The following ABCA1 variants were observed in gnomAD, a reference collection of about 807,000 sequenced individuals.
ABCA1 encodes the protein ATP binding cassette subfamily A member 1.
ABCA1 carries 133 observed loss-of-function variants against 262.5 expected under a neutral mutation model. The ratio of observed to expected loss-of-function variants is 0.51; its 90% CI spans 0.44 to 0.59. ABCA1 has a LOEUF of 0.59. Among genes scored for constraint, ABCA1 ranks in the 20% least tolerant of loss-of-function variants. The pLI, the probability that ABCA1 is intolerant of heterozygous loss-of-function variation, is 0.00. For missense variants in ABCA1, 2,452 were observed against 2,777.5 expected, an observed-to-expected ratio of 0.88 and a Z score of 2.63; for synonymous variants, 1,022 against 1,043.5, an observed-to-expected ratio of 0.98 and a Z score of 0.40.
At chr9:104,915,569 AG>A (rs1841795935) in intron 1 of ABCA1, among the ~76,000 whole-genome samples, 1 of 152,206 alleles carries the variant, frequency 6.6e-6, no homozygotes, top group Non-Finnish European at 1.5e-5. Flanking sequence ...GAGGTCTGAG[AG>A]GATCCTACAA....
At chr9:104,924,903 C>T (rs1303773001) in intron 1 of ABCA1, among the ~76,000 whole-genome samples, 1 of 152,120 alleles carries the variant, frequency 6.6e-6, no homozygotes, top group African/African-American at 2.4e-5. Context: ...GTAAGTACTA[C>T]AGAAGATAAT....
chr9:104,883,040 T>C lies in ABCA1; in HGVS notation c.420A>G (p.Ser140=), dbSNP rs1838824914. The C allele has an allele frequency of 1.9e-6, 3 of 1,610,526 alleles. No homozygotes were observed. The highest frequency in any genetic ancestry group is 1.7e-5 in the Admixed American group (1 of 60,006). ...GATGCAGAGAAGGTTTTTACTTACT[T>C]GAGCTGGATTTCTTGATCTGCTGTA... ...RTLQQIKKSS[S]NLKLQDFLVD... The change falls in exon 5 of 50, where the codon TCA becomes TCG. Residue 140 remains serine, a splice_region_variant and synonymous_variant. Transcript: ENST00000374736.
chr9:104,786,508 G>A (rs1290346635), intron 47 of ABCA1, 118 bp from the exon 48 acceptor site: 2 of 895,238 alleles, frequency 2.2e-6, no homozygotes, highest in Middle Eastern at 2.1e-4. Flanking sequence ...ACAAGTACAT[G>A]TGGATATAGG....
At chr9:104,904,076 G>A (rs1366298775) in intron 1 of ABCA1, among the ~76,000 whole-genome samples, 1 of 152,182 alleles carries the variant, frequency 6.6e-6, no homozygotes, top group Non-Finnish European at 1.5e-5. Flanking sequence ...CTCTCAGGTG[G>A]CCAAAAACAC....
At position 104,818,746 on chromosome 9, in the gene ABCA1, A is replaced by T. The variant is rs775795007; in HGVS notation, c.3379T>A (p.Tyr1127Asn). 1 of 1,613,964 alleles carries T rather than the reference A, an allele frequency of 6.2e-7. No homozygotes were observed. Among genetic ancestry groups the T allele is most frequent in the Non-Finnish European group, 8.5e-7 (1 of 1,180,030 alleles). Reference sequence around the variant, plus strand: ...ACATCTTTCTTGACCAAGGTCAGGTAGTAGCCTGTTCCCAGCTGGTTCTTC... The same window carrying T: ...ACATCTTTCTTGACCAAGGTCAGGTTGTAGCCTGTTCCCAGCTGGTTCTTC... The part of the protein sequence containing the change: ...FLKNQLGTGY[Y>N]LTLVKKDVES... The change falls in exon 23 of 50, where the codon TAC becomes AAC. Residue 1127 changes from tyrosine to asparagine, a missense_variant. By Grantham distance (143) the Tyr-to-Asn change is moderately radical. Around this residue, in one of 4 missense-constraint regions of ABCA1, gnomAD observed 665 missense variants for 727.3 expected, o/e 0.91. Coordinates refer to ENST00000374736, the MANE Select transcript of ABCA1 (RefSeq NM_005502.4).
At chr9:104,809,826 T>C (rs1831112614) in intron 29 of ABCA1, among the ~76,000 whole-genome samples, 1 of 152,166 alleles carries the variant, frequency 6.6e-6, no homozygotes, top group South Asian at 2.1e-4. Context: ...TGTACACACA[T>C]GTACATACAC....
intron 1 of ABCA1, among the ~76,000 whole-genome samples, chr9:104,918,091 C>A (rs143187686): frequency 6.6e-6 from 1 of 152,042 alleles, no homozygotes; most frequent in Non-Finnish European, 1.5e-5. Context: ...TAAATGAGAT[C>A]ATATATAAGA....
At chr9:104,881,780 C>T (rs978216047) in intron 5 of ABCA1, among the ~76,000 whole-genome samples, 1 of 152,076 alleles carries the variant, frequency 6.6e-6, no homozygotes, top group Non-Finnish European at 1.5e-5. Context: ...CTTTCTGTCT[C>T]CTGCACCAGA....
intron 31 of ABCA1, among the ~76,000 whole-genome samples, chr9:104,805,703 A>G (rs539432053): frequency 6.6e-6 from 1 of 152,366 alleles, no homozygotes; most frequent in South Asian, 2.1e-4. Flanking sequence ...GGCCTGCCAC[A>G]GTCTGTCCTG....
At chr9:104,845,822 T>C (rs1834819936) in intron 7 of ABCA1, among the ~76,000 whole-genome samples, 1 of 152,238 alleles carries the variant, frequency 6.6e-6, no homozygotes, top group Non-Finnish European at 1.5e-5. Flanking sequence ...TAATATGCAA[T>C]AGATTAAAAG....
Position 104,793,174 on chromosome 9 carries a change from G to T in ABCA1, c.5633C>A (p.Pro1878His). 6.2e-7 allele frequency: 1 copy of T among 1,613,930 alleles called. No individual in the cohort carries two copies. The highest frequency in any genetic ancestry group is 8.5e-7 in the Non-Finnish European group (1 of 1,179,974). The part of the protein sequence containing the change: ...VLIQYRFFIR[P>H]RPVNAKLSPL... ...CGGGTTCTAAGAAAAAGCTCACCTG[G>T]GCCTGATGAAGAATCTGTACTGGAT... The change falls in exon 41 of 50, where the codon CCC (proline) becomes CAC (histidine). Residue 1878 changes from proline to histidine, a missense_variant. Pro to His is a moderately conservative substitution (Grantham distance 77). Around this residue, in one of 4 missense-constraint regions of ABCA1, gnomAD observed 752 missense variants for 944.5 expected, o/e 0.80. Transcript: ENST00000374736.
chr9:104,866,922 G>A (rs529835733), intron 5 of ABCA1, among the ~76,000 whole-genome samples: 5 of 152,308 alleles, frequency 3.3e-5, no homozygotes, highest in African/African-American at 1.2e-4. Flanking sequence ...TAATTCCAAA[G>A]CCAGCAGTGC....
Position 104,861,788 on chromosome 9 carries a change from T to G in ABCA1, c.434A>C (p.Gln145Pro), listed in dbSNP as rs1348849954. The G allele has an allele frequency of 6.2e-7, 1 of 1,613,220 alleles. No homozygotes were observed. Among genetic ancestry groups the G allele is most frequent in the Non-Finnish European group, 8.5e-7 (1 of 1,179,758 alleles). The change falls in exon 6 of 50, where the codon CAA (glutamine) becomes CCA (proline). Residue 145 changes from glutamine (Q) to proline (P), a missense_variant. By Grantham distance (76) the Gln-to-Pro change is moderately conservative (BLOSUM62 -1). Coordinates refer to ENST00000374736, the MANE Select transcript of ABCA1 (RefSeq NM_005502.4). ...GGTTTCATTGTCCACCAGGAAATCT[T>G]GAAGCTTCAAGTCTATTGAGAAATA... The part of the protein sequence containing the change: ...IKKSSSNLKL[Q>P]DFLVDNETFS...
intron 22 of ABCA1, 81 bp downstream of exon 22, chr9:104,819,505 G>C (rs1388228124): frequency 1.9e-6 from 3 of 1,595,382 alleles, no homozygotes; most frequent in Non-Finnish European, 2.6e-6. Context: ...CAGAAGCCTA[G>C]CCATGAGATA....
intron 9 of ABCA1, among the ~76,000 whole-genome samples, chr9:104,838,975 T>A (rs571577581): frequency 1.1e-4 from 17 of 152,280 alleles, no homozygotes; most frequent in African/African-American, 3.1e-4. Context: ...TGCGAATGTC[T>A]GGAGTGCTTT....
rs763032881 is a variant in ABCA1, at chr9:104,832,618, T to A, written c.1465A>T (p.Asn489Tyr). 1.9e-6 allele frequency: 3 copies of A among 1,614,220 alleles called. No homozygotes were observed. The East Asian group carries it at 6.7e-5, about 36-fold the overall frequency. The change falls in exon 12 of 50, where the codon AAC (asparagine) becomes TAC (tyrosine). Residue 489 changes from asparagine (N) to tyrosine (Y), a missense_variant. This residue lies in a region of ABCA1 where 1,032 missense variants were observed against 1,089.7 expected (regional missense o/e 0.95). Transcript: ENST00000374736. ...GSVYTWREAF[N>Y]ETNQAIRTIS... ...GTCCGGATTGCCTGGTTAGTCTCGTTGAAAGCTTCTCTCCAGGTGTACACA... is the reference window on the plus strand; with the variant it reads ...GTCCGGATTGCCTGGTTAGTCTCGTAGAAAGCTTCTCTCCAGGTGTACACA...
chr9:104,825,453 T>C (rs1157191765), intron 17 of ABCA1: 1 of 600,962 alleles, frequency 1.7e-6, no homozygotes, highest in Non-Finnish European at 3.0e-6. Flanking sequence ...GCAATGTGTA[T>C]AAAACATTTT....
intron 3 of ABCA1, among the ~76,000 whole-genome samples, chr9:104,887,722 C>CTTTTTT (rs56828334): frequency 1.7e-4 from 17 of 98,850 alleles, no homozygotes; most frequent in African/African-American, 2.5e-4. Context: ...TCAGTTTATG[C>CTTTTTT]TTTTTTTTTT....
In ABCA1 at chr9:104,799,946, G is replaced by A. The variant is rs1830193198; in HGVS notation, c.4816C>T (p.Leu1606=). The A allele has an allele frequency of 6.2e-7, 1 of 1,614,172 alleles. No individual in the cohort carries two copies. The highest frequency in any genetic ancestry group is 8.5e-7 in the Non-Finnish European group (1 of 1,180,038). The change falls in exon 36 of 50, where the codon CTG becomes TTG. Residue 1606 remains leucine, a synonymous_variant. Coordinates refer to ENST00000374736, the MANE Select transcript of ABCA1 (RefSeq NM_005502.4). ...NKGWHAISSF[L]NVINNAILRA... is the part of the protein sequence containing the mutation. Reference sequence around the variant, plus strand: ...AGAATGGCATTGTTGATGACATTCAGGAAAGAGCTGATTGCATGCCAGCCC... The same window carrying A: ...AGAATGGCATTGTTGATGACATTCAAGAAAGAGCTGATTGCATGCCAGCCC...
Sources: allele counts gnomAD v4.1 joint callset (sites outside exome capture counted in the v4.1 genomes callset), GRCh38; gene constraint gnomAD v4.1.1; regional missense constraint gnomAD v4.1.1; transcripts MANE v1.5; gene names NCBI Gene and HGNC (gene_info 2026-07-23, HGNC 2026-07-21).